The following TMEM132C variants were observed in gnomAD, a reference collection of about 807,000 sequenced individuals.
The protein encoded by TMEM132C is protein phosphatase 1, regulatory subunit 152.
Under a neutral mutation model 61.4 loss-of-function variants are expected in TMEM132C, and 29 were observed. That is an observed-to-expected ratio of 0.47 (90% CI 0.35 to 0.64). The LOEUF is 0.64. Among genes scored for constraint, TMEM132C ranks in the 30% least tolerant of loss-of-function variants. The pLI, the probability that TMEM132C is intolerant of heterozygous loss-of-function variation, is 0.00. For synonymous variants in TMEM132C, 656 were observed against 633.1 expected (o/e 1.04, Z -0.54); for missense variants, 1,408 against 1,476.9 (o/e 0.95, Z 0.76).
intron 2 of TMEM132C, among the ~76,000 whole-genome samples, chr12:128,432,454 A>G (rs1014663652): frequency 5.9e-5 from 9 of 152,316 alleles, no homozygotes; most frequent in Non-Finnish European, 1.0e-4. Context: ...TCAAATATCA[A>G]TATTAACAGG....
intron 4 of TMEM132C, among the ~76,000 whole-genome samples, chr12:128,654,229 A>G (rs1200236792): frequency 6.6e-6 from 1 of 152,156 alleles, no homozygotes; most frequent in African/African-American, 2.4e-5. Flanking sequence ...GTGTCCCTAT[A>G]GGTGGGAGAT....
At chr12:128,628,261 T>TGA (rs373423648) in intron 4 of TMEM132C, among the ~76,000 whole-genome samples, 259 of 152,252 alleles carry the variant, frequency 1.7e-3, no homozygotes, top group African/African-American at 6.0e-3. Flanking sequence ...CTTGCCTCCC[T>TGA]GAAAAGCCCA....
chr12:128,582,405 T>C (rs1294790232), intron 3 of TMEM132C, among the ~76,000 whole-genome samples: 1 of 145,544 alleles, frequency 6.9e-6, no homozygotes, highest in African/African-American at 2.6e-5. Flanking sequence ...TACATTGATA[T>C]AGATGCTGCT....
chr12:128,379,151 G>A (rs889921957), intron 1 of TMEM132C, among the ~76,000 whole-genome samples: 16 of 152,284 alleles, frequency 1.1e-4, no homozygotes, highest in African/African-American at 2.9e-4. Context: ...GTTGTTCATC[G>A]CAGCCCTGCA....
intron 2 of TMEM132C, among the ~76,000 whole-genome samples, chr12:128,436,772 C>T (rs28880706): frequency 0.12 from 18,908 of 152,072 alleles, 1,218 homozygotes; most frequent in South Asian, 0.14. Context: ...GAAATACCAT[C>T]TGACCCAGCC....
At chr12:128,528,360 A>G (rs1873166693) in intron 2 of TMEM132C, among the ~76,000 whole-genome samples, 1 of 152,180 alleles carries the variant, frequency 6.6e-6, no homozygotes, top group Non-Finnish European at 1.5e-5. Flanking sequence ...GCCAGTCTAC[A>G]TTCTGAAATA....
At chr12:128,602,627 G>C (rs941350320) in intron 3 of TMEM132C, among the ~76,000 whole-genome samples, 1 of 152,216 alleles carries the variant, frequency 6.6e-6, no homozygotes. Flanking sequence ...TACATGGTCT[G>C]TGCCATCCTC....
At chr12:128,672,034 A>T (rs1357013420) in intron 5 of TMEM132C, among the ~76,000 whole-genome samples, 1 of 152,242 alleles carries the variant, frequency 6.6e-6, no homozygotes, top group Non-Finnish European at 1.5e-5. Context: ...AGAAAAGTTG[A>T]ATTTAATTGT....
intron 1 of TMEM132C, among the ~76,000 whole-genome samples, chr12:128,396,777 T>C (rs1474674918): frequency 1.3e-5 from 2 of 152,172 alleles, no homozygotes; most frequent in Admixed American, 6.5e-5. Flanking sequence ...CAGGCTGTGA[T>C]TGGAGCCCGG....
chr12:128,313,495 C>T (rs759500428), intron 1 of TMEM132C, among the ~76,000 whole-genome samples: 36 of 152,322 alleles, frequency 2.4e-4, no homozygotes, highest in Middle Eastern at 3.4e-3. Flanking sequence ...ATCCAGTTAT[C>T]GGGACTGGCT....
In TMEM132C at chr12:128,501,274, T is replaced by G. The variant is rs1872169214; in HGVS notation, c.975-42683T>G. On this transcript the variant is annotated intron_variant, in intron 2 of 8. Coordinates refer to ENST00000435159, the MANE Select transcript of TMEM132C (RefSeq NM_001136103.3). ...AGCATCCTTAGGCCACTCGAGATAG[T>G]CAATCTAGAATGAAGGCTGGTGGTC... 2.0e-5 allele frequency among the ~76,000 whole-genome samples: 3 copies of G among 152,288 alleles called. No individual in the cohort carries two copies. The South Asian group carries it at 6.2e-4, about 32-fold the overall frequency.
intron 2 of TMEM132C, among the ~76,000 whole-genome samples, chr12:128,519,993 T>G (rs1159098642): frequency 2.6e-5 from 4 of 152,262 alleles, no homozygotes; most frequent in African/African-American, 9.6e-5. Context: ...CCTCAGACTC[T>G]GTTTATGATT....
chr12:128,681,720 C>G (rs1346003790), intron 5 of TMEM132C, among the ~76,000 whole-genome samples: 1 of 144,728 alleles, frequency 6.9e-6, no homozygotes, highest in African/African-American at 2.6e-5. Flanking sequence ...GTGGCATGAT[C>G]TTGGCTCGCT....
intron 1 of TMEM132C, among the ~76,000 whole-genome samples, chr12:128,353,748 CG>C (rs1873412940): frequency 6.6e-6 from 1 of 152,058 alleles, no homozygotes; most frequent in South Asian, 2.1e-4. Flanking sequence ...TTCAATCTCC[CG>C]GGTCCCACTT....
intron 3 of TMEM132C, among the ~76,000 whole-genome samples, chr12:128,597,308 C>T (rs1876005148): frequency 6.6e-6 from 1 of 151,824 alleles, no homozygotes; most frequent in Non-Finnish European, 1.5e-5. Flanking sequence ...GGTGAAACCC[C>T]ATCTCTACTA....
intron 2 of TMEM132C, among the ~76,000 whole-genome samples, chr12:128,518,792 C>T (rs1872805840): frequency 6.6e-6 from 1 of 151,798 alleles, no homozygotes; most frequent in South Asian, 2.1e-4. Context: ...GGGACACACC[C>T]TTATTTCAGA....
rs560366841 is a variant in TMEM132C, at chr12:128,290,806, G to T, written c.85+23319G>T. 4.3e-5 allele frequency among the ~76,000 whole-genome samples: 6 copies of T among 138,818 alleles called. No individual in the cohort carries two copies. The South Asian group carries it at 1.4e-3, about 31-fold the overall frequency. 91.1% of individuals were successfully genotyped at this position (138,818 alleles called of 152,430 possible). ...CTGTTCTTTATTCTCCAAGCCAAAA[G>T]AACAACAAATAGATTCACTTTGCCT... On this transcript the variant is annotated intron_variant, in intron 1 of 8. Coordinates refer to ENST00000435159, the MANE Select transcript of TMEM132C (RefSeq NM_001136103.3).
intron 2 of TMEM132C, among the ~76,000 whole-genome samples, chr12:128,475,055 G>A (rs893774083): frequency 6.6e-6 from 1 of 152,160 alleles, no homozygotes; most frequent in African/African-American, 2.4e-5. Flanking sequence ...AGGCAGGGAC[G>A]TGAGGATGTG....
At chr12:128,399,751 T>G (rs1233500749) in intron 1 of TMEM132C, among the ~76,000 whole-genome samples, 1 of 152,172 alleles carries the variant, frequency 6.6e-6, no homozygotes, top group African/African-American at 2.4e-5. Context: ...ACCACCAGTT[T>G]CTGTGTGGTG....
Sources: allele counts gnomAD v4.1 joint callset (sites outside exome capture counted in the v4.1 genomes callset), GRCh38; gene constraint gnomAD v4.1.1; transcripts MANE v1.5; gene names NCBI Gene and HGNC (gene_info 2026-07-23, HGNC 2026-07-21).